The following FERMT2 variants were observed in gnomAD, a reference collection of about 807,000 sequenced individuals.
FERMT2 encodes the protein FERM domain containing kindlin 2.
A neutral mutation model predicts 82.7 loss-of-function variants in FERMT2; 15 were observed. That is an observed-to-expected ratio of 0.18 (90% confidence interval 0.12 to 0.28). The LOEUF (loss-of-function observed/expected upper bound fraction) is 0.28, where lower values mean the gene tolerates loss of function less well. Ranked by LOEUF, FERMT2 falls within the 10% of genes least tolerant of loss-of-function variation. The pLI is 1.00. For missense variants in FERMT2, 645 were observed against 809.4 expected (o/e 0.80, Z 2.46); for synonymous variants, 274 against 271.5 (o/e 1.01, Z -0.09).
chr14:52,944,140 T>C (rs1030075187), intron 2 of FERMT2, among the ~76,000 whole-genome samples: 1 of 152,214 alleles, frequency 6.6e-6, no homozygotes, highest in African/African-American at 2.4e-5. Flanking sequence ...AACTTAAAAT[T>C]TGCTAAGAAA....
chr14:52,929,499 G>A (rs1889465425), intron 2 of FERMT2, among the ~76,000 whole-genome samples: 1 of 152,124 alleles, frequency 6.6e-6, no homozygotes, highest in African/African-American at 2.4e-5. Context: ...GGTCTACAAA[G>A]CCCCACACAA....
Position 52,919,163 on chromosome 14 carries a change from A to G in FERMT2, c.351T>C (p.Asp117=), listed in dbSNP as rs1888796280. The part of the protein sequence containing the change: ...KYVKVKVNFS[D]RVFKAVSDIC... ...TGTCAGAAACAGCTTTGAAGACTCT[A>G]TCAGAGAAATTCACTTTCACCTTCA... Residue 117 remains aspartate, a synonymous_variant, in exon 3 of 15, where the codon GAT becomes GAC. Transcript: ENST00000341590. The G allele has an allele frequency of 6.2e-7, 1 of 1,614,050 alleles. No individual in the cohort carries two copies. The highest frequency in any genetic ancestry group is 8.5e-7 in the Non-Finnish European group (1 of 1,179,922).
chr14:52,942,452 A>G (rs1890137106), intron 2 of FERMT2, among the ~76,000 whole-genome samples: 1 of 151,364 alleles, frequency 6.6e-6, no homozygotes, highest in South Asian at 2.1e-4. Flanking sequence ...ACAGGCGCCC[A>G]CCACCACGCC....
intron 2 of FERMT2, among the ~76,000 whole-genome samples, chr14:52,944,438 C>T (rs1890230586): frequency 6.6e-6 from 1 of 152,200 alleles, no homozygotes; most frequent in Non-Finnish European, 1.5e-5. Context: ...CAAATAAGCA[C>T]ACACCTTCCC....
intron 3 of FERMT2, among the ~76,000 whole-genome samples, chr14:52,914,910 A>G (rs1226372831): frequency 1.3e-5 from 2 of 152,060 alleles, no homozygotes; most frequent in Non-Finnish European, 2.9e-5. Flanking sequence ...ACAGAGGGAG[A>G]CTCTGTCTCA....
chr14:52,885,190 G>T (rs966911082), intron 4 of FERMT2, among the ~76,000 whole-genome samples: 16 of 150,202 alleles, frequency 1.1e-4, no homozygotes, highest in African/African-American at 3.2e-4. Flanking sequence ...GCATGCTCCT[G>T]TAGTTCCAGC....
chr14:52,871,427 G>A, intron 10 of FERMT2: 1 of 152,162 alleles, frequency 6.6e-6, no homozygotes, highest in East Asian at 1.9e-4. Flanking sequence ...CTGGAGAAGT[G>A]GTATCTACAC....
At chr14:52,949,701 C>T (rs17125983) in intron 2 of FERMT2, among the ~76,000 whole-genome samples, 3,181 of 152,280 alleles carry the variant, frequency 0.021, 77 homozygotes, top group East Asian at 0.073. Context: ...CAATCCAATA[C>T]ATATTTGTAC....
At chr14:52,906,793 T>TA (rs1888035428) in intron 3 of FERMT2, among the ~76,000 whole-genome samples, 2 of 151,888 alleles carry the variant, frequency 1.3e-5, no homozygotes, top group East Asian at 1.9e-4. Context: ...GAATAAATCT[T>TA]AAAAAAACTA....
intron 3 of FERMT2, among the ~76,000 whole-genome samples, chr14:52,895,776 G>C (rs967879120): frequency 6.6e-6 from 1 of 152,070 alleles, no homozygotes; most frequent in Non-Finnish European, 1.5e-5. Context: ...AGTTTATGGT[G>C]TATCTATTAT....
chr14:52,914,855 G>A (rs577920632), intron 3 of FERMT2, among the ~76,000 whole-genome samples: 2 of 152,284 alleles, frequency 1.3e-5, no homozygotes, highest in East Asian at 3.9e-4. Flanking sequence ...AGGAGGTGGA[G>A]GTTGCAGTGA....
chr14:52,867,367 T>A (rs1594929861), intron 10 of FERMT2, among the ~76,000 whole-genome samples: 1 of 152,346 alleles, frequency 6.6e-6, no homozygotes, highest in Middle Eastern at 3.4e-3. Context: ...TTGGCCTAAC[T>A]ACCTTACTTT....
chr14:52,858,094 A>T lies in FERMT2; in HGVS notation c.*283T>A. The T allele has an allele frequency of 2.8e-6, 1 of 363,476 alleles. No individual in the cohort carries two copies. Among genetic ancestry groups the T allele is most frequent in the South Asian group, 4.4e-5 (1 of 22,904 alleles). The allele number at this position is 363,476 out of a possible 1,614,324, so 22.5% of individuals were successfully genotyped here. A position where few individuals can be genotyped will look rare whatever the true frequency, so the allele number is the denominator to read the frequency against. On this transcript the variant is annotated 3_prime_UTR_variant, in exon 15 of 15. Coordinates refer to ENST00000341590, the MANE Select transcript of FERMT2 (RefSeq NM_006832.3). ...TTGTTTCTTACAGTTTGGCTAGCTTAAATCAGTAAATCAGTGATGGTTTGT... is the reference window on the plus strand; with the variant it reads ...TTGTTTCTTACAGTTTGGCTAGCTTTAATCAGTAAATCAGTGATGGTTTGT...
At chr14:52,919,085 A>G (rs1326405105) in intron 3 of FERMT2, 38 bp downstream of exon 3, 2 of 1,427,002 alleles carry the variant, frequency 1.4e-6, no homozygotes, top group East Asian at 2.3e-5. Flanking sequence ...TGTACATCAC[A>G]TAACTCGTAT....
intron 3 of FERMT2, among the ~76,000 whole-genome samples, chr14:52,917,935 T>C: frequency 6.6e-6 from 1 of 152,168 alleles, no homozygotes; most frequent in East Asian, 1.9e-4. Flanking sequence ...AGGAGCAGCA[T>C]TTGCCCACAG....
intron 4 of FERMT2, among the ~76,000 whole-genome samples, chr14:52,882,118 A>G (rs531712369): frequency 6.6e-6 from 1 of 152,350 alleles, no homozygotes; most frequent in African/African-American, 2.4e-5. Flanking sequence ...AATCCATACA[A>G]TTTGAAGGTA....
At position 52,875,302 on chromosome 14, in the gene FERMT2, T is replaced by C. The variant is rs142932804; in HGVS notation, c.1019A>G (p.Asp340Gly). Residue 340 changes from aspartate (D) to glycine (G), a missense_variant, in exon 8 of 15, where the codon GAC becomes GGC. Coordinates refer to ENST00000341590, the MANE Select transcript of FERMT2 (RefSeq NM_006832.3). ...AGCATCAACTTCATCAACTTCTTTG[T>C]CACTGTTGTTCAAATGATTCTCTGA... The part of the protein sequence containing the change: ...MTSENHLNNS[D>G]KEVDEVDAAL... 2 of 1,611,628 alleles carry C rather than the reference T, an allele frequency of 1.2e-6. No individual in the cohort carries two copies. Among genetic ancestry groups the C allele is most frequent in the African/African-American group, 2.7e-5 (2 of 74,870 alleles).
At position 52,949,796 on chromosome 14, in the gene FERMT2, A is replaced by C. The variant is rs531014761; in HGVS notation, c.157+616T>G. Among the ~76,000 whole-genome samples, 163 of 152,342 alleles carry C rather than the reference A, an allele frequency of 1.1e-3. 6 individuals are homozygous for C. The South Asian group carries it at 0.033, about 31-fold the overall frequency. On this transcript the variant is annotated intron_variant, in intron 2 of 14. Transcript: ENST00000341590. ...TCTTTCCTTGGCTTGTTATTAATAT[A>C]AAACCGAACGCTCGAAACGGCTTAC...
At chr14:52,873,992 A>C (rs1885801356) in intron 9 of FERMT2, among the ~76,000 whole-genome samples, 185 bp downstream of exon 9, 1 of 150,734 alleles carries the variant, frequency 6.6e-6, no homozygotes, top group Non-Finnish European at 1.5e-5. Flanking sequence ...AAGAATGAGC[A>C]TTGTGATTTT....
Sources: allele counts gnomAD v4.1 joint callset (sites outside exome capture counted in the v4.1 genomes callset), GRCh38; gene constraint gnomAD v4.1.1; transcripts MANE v1.5; gene names NCBI Gene and HGNC (gene_info 2026-07-23, HGNC 2026-07-21).